The following KL variants were observed in gnomAD, a reference collection of about 807,000 sequenced individuals.
KL encodes the protein alpha-klotho.
In KL, 62 loss-of-function variants were observed where a neutral mutation model predicts 84.2. The ratio of observed to expected loss-of-function variants is 0.74; its 90% CI spans 0.60 to 0.91. KL has a LOEUF of 0.91. Among genes scored for constraint, KL ranks in the 40% least tolerant of loss-of-function variants. The pLI, the probability that KL is intolerant of heterozygous loss-of-function variation, is 0.00. For synonymous variants in KL, 528 were observed against 528.0 expected, an observed-to-expected ratio of 1.00 and a Z score of 0.00; for missense variants, 1,261 against 1,305.7, an observed-to-expected ratio of 0.97 and a Z score of 0.53.
chr13:33,045,165 T>C (rs1871480809), intron 1 of KL, among the ~76,000 whole-genome samples: 1 of 152,254 alleles, frequency 6.6e-6, no homozygotes, highest in Non-Finnish European at 1.5e-5. Context: ...ATTGCTATTG[T>C]ACAGAAATAC....
intron 1 of KL, among the ~76,000 whole-genome samples, chr13:33,049,777 G>T (rs994943293): frequency 6.6e-6 from 1 of 152,100 alleles, no homozygotes; most frequent in African/African-American, 2.4e-5. Flanking sequence ...CATCAAACAG[G>T]CCTGCCATCC....
intron 1 of KL, among the ~76,000 whole-genome samples, chr13:33,019,736 A>G (rs141846502): frequency 9.9e-6 from 1 of 100,664 alleles, no homozygotes; most frequent in African/African-American, 3.1e-5. Flanking sequence ...TGTGTGTGAG[A>G]GAGAGAGAGA....
intron 1 of KL, among the ~76,000 whole-genome samples, chr13:33,021,101 A>G (rs1870560366): frequency 2.0e-5 from 3 of 152,238 alleles, no homozygotes; most frequent in South Asian, 4.1e-4. Flanking sequence ...ATCTCTGAAA[A>G]TGGCATCTTG....
At position 33,016,522 on chromosome 13, in the gene KL, G is replaced by T; in HGVS notation, c.82G>T (p.Gly28Cys). 7.5e-7 allele frequency: 1 copy of T among 1,329,408 alleles called. No individual in the cohort carries two copies. The highest frequency in any genetic ancestry group is 9.6e-7 in the Non-Finnish European group (1 of 1,044,946). The allele number at this position is 1,329,408 out of a possible 1,614,324, so 82.4% of individuals were successfully genotyped here. Reference protein sequence around the residue: ...SLLLVLLGLGGRRLRAEPGDG... With the variant: ...SLLLVLLGLGCRRLRAEPGDG... ...GCTGCTGGTGCTGCTGGGCCTGGGC[G>T]GCCGCCGCCTGCGTGCGGAGCCGGG... The change falls in exon 1 of 5, where the codon GGC becomes TGC. Residue 28 changes from glycine to cysteine, a missense_variant. By Grantham distance (159) the Gly-to-Cys change is radical. Coordinates refer to ENST00000380099, the MANE Select transcript of KL (RefSeq NM_004795.4).
At chr13:33,044,584 T>C (rs1447506770) in intron 1 of KL, among the ~76,000 whole-genome samples, 1 of 151,872 alleles carries the variant, frequency 6.6e-6, no homozygotes, top group Non-Finnish European at 1.5e-5. Context: ...AGTGGCATTG[T>C]ATTTAAAATT....
chr13:33,049,005 A>G (rs1871643998), intron 1 of KL, among the ~76,000 whole-genome samples: 1 of 152,184 alleles, frequency 6.6e-6, no homozygotes, highest in African/African-American at 2.4e-5. Flanking sequence ...GATTTTTTTC[A>G]GACTCCATGT....
At chr13:33,052,957 G>C (rs1381224374) in intron 1 of KL, among the ~76,000 whole-genome samples, 2 of 152,164 alleles carry the variant, frequency 1.3e-5, no homozygotes, top group Non-Finnish European at 2.9e-5. Context: ...AAATAAAAAG[G>C]AAACAAATGA....
chr13:33,039,113 G>A (rs1220178814), intron 1 of KL, among the ~76,000 whole-genome samples: 1 of 152,108 alleles, frequency 6.6e-6, no homozygotes, highest in Non-Finnish European at 1.5e-5. Context: ...AGGTAATACT[G>A]TACGTGGTCT....
At chr13:33,020,263 G>T (rs1870528102) in intron 1 of KL, among the ~76,000 whole-genome samples, 1 of 152,132 alleles carries the variant, frequency 6.6e-6, no homozygotes, top group African/African-American at 2.4e-5. Context: ...CTTGTCCCTT[G>T]AATCCTTCCT....
intron 3 of KL, among the ~76,000 whole-genome samples, chr13:33,059,750 C>T (rs979782035): frequency 2.0e-5 from 3 of 152,306 alleles, no homozygotes; most frequent in Non-Finnish European, 2.9e-5. Flanking sequence ...GGATTACAGG[C>T]GTGAGCCACT....
chr13:33,056,124 A>G (rs1027274383), intron 3 of KL, among the ~76,000 whole-genome samples: 1 of 152,174 alleles, frequency 6.6e-6, no homozygotes, highest in Non-Finnish European at 1.5e-5. Context: ...AAAACAATGT[A>G]TGCACAAATG....
At position 33,030,324 on chromosome 13, in the gene KL, A is replaced by G. The variant is rs190635184; in HGVS notation, c.819+13065A>G. On this transcript the variant is annotated intron_variant, in intron 1 of 4. Transcript: ENST00000380099. ...AAAAATTTTCTGAGCTAAGTTTGGTAAATTTATTCTAGGAATCCATGTTGT... is the reference window on the plus strand; with the variant it reads ...AAAAATTTTCTGAGCTAAGTTTGGTGAATTTATTCTAGGAATCCATGTTGT... Among the ~76,000 whole-genome samples the G allele has an allele frequency of 9.8e-4, 149 of 152,290 alleles. 1 individual carries two copies. Among genetic ancestry groups the G allele is most frequent in the Admixed American group, 2.9e-3 (45 of 15,296 alleles).
Position 33,063,877 on chromosome 13 carries a change from C to T in KL, c.2730C>T (p.Cys910=), listed in dbSNP as rs758010223. The change falls in exon 5 of 5, where the codon TGC becomes TGT. Residue 910 remains cysteine (C), a synonymous_variant. Coordinates refer to ENST00000380099, the MANE Select transcript of KL (RefSeq NM_004795.4). ...ACATACTGGATGGTATCAATCTTTG[C>T]GGATACTTTGCTTATTCGTTTAACG... ...KAHILDGINL[C]GYFAYSFNDR... is the part of the protein sequence containing the mutation. The T allele has an allele frequency of 1.5e-5, 25 of 1,613,988 alleles. No individual in the cohort carries two copies. The East Asian group carries it at 1.6e-4, about 10-fold the overall frequency.
At chr13:33,028,751 A>G (rs751978599) in intron 1 of KL, among the ~76,000 whole-genome samples, 2 of 152,246 alleles carry the variant, frequency 1.3e-5, no homozygotes, top group Non-Finnish European at 2.9e-5. Flanking sequence ...AAACAAAAAT[A>G]AGAAGGAAAA....
chr13:33,042,911 A>G (rs1871389922), intron 1 of KL, among the ~76,000 whole-genome samples: 1 of 151,854 alleles, frequency 6.6e-6, no homozygotes, highest in South Asian at 2.1e-4. Flanking sequence ...CGAAGTCCTG[A>G]CCTCAGGTGA....
chr13:33,045,277 A>T (rs1871484456), intron 1 of KL, among the ~76,000 whole-genome samples: 1 of 152,172 alleles, frequency 6.6e-6, no homozygotes, highest in Admixed American at 6.5e-5. Context: ...CCATATGTAG[A>T]ATCATGTTAT....
At chr13:33,033,782 G>A (rs531035191) in intron 1 of KL, among the ~76,000 whole-genome samples, 44 of 152,000 alleles carry the variant, frequency 2.9e-4, no homozygotes, top group Non-Finnish European at 5.9e-4. Context: ...CGAGGAGACA[G>A]GAAGTCACCA....
At chr13:33,046,563 T>G (rs546677) in intron 1 of KL, among the ~76,000 whole-genome samples, 101,731 of 151,774 alleles carry the variant, frequency 0.67, 34,478 homozygotes, top group Admixed American at 0.77. Context: ...AAGGTTGGTC[T>G]GTTTTGTTGA....
intron 1 of KL, among the ~76,000 whole-genome samples, chr13:33,030,341 C>T (rs935481589): frequency 4.6e-5 from 7 of 152,138 alleles, no homozygotes; most frequent in Admixed American, 2.0e-4. Flanking sequence ...TTCTAGGAAT[C>T]CATGTTGTCT....
Sources: allele counts gnomAD v4.1 joint callset (sites outside exome capture counted in the v4.1 genomes callset), GRCh38; gene constraint gnomAD v4.1.1; transcripts MANE v1.5; gene names NCBI Gene and HGNC (gene_info 2026-07-23, HGNC 2026-07-21).